The following CALHM4 variants were observed in gnomAD, a reference collection of about 807,000 sequenced individuals.
CALHM4 encodes the protein calcium homeostasis modulator family member 4, also known as calcium homeostasis modulator protein 4.
A neutral mutation model predicts 13.3 loss-of-function variants in CALHM4; 16 were observed. The observed-to-expected ratio is 1.20, with a 90% CI of 0.81 to 1.82. The LOEUF (loss-of-function observed/expected upper bound fraction) is 1.82, where lower values mean the gene tolerates loss of function less well. Among genes scored for constraint, CALHM4 ranks in the 40% most tolerant of loss-of-function variants. The pLI is 0.00. For missense variants in CALHM4, 344 were observed against 374.9 expected (o/e 0.92, Z 0.68); for synonymous variants, 127 against 137.1 (o/e 0.93, Z 0.52).
Position 116,559,039 on chromosome 6 carries a change from A to C in CALHM4, c.*828A>C, listed in dbSNP as rs181197050. 3.9e-5 allele frequency among the ~76,000 whole-genome samples: 6 copies of C among 152,306 alleles called. No homozygotes were observed. The highest frequency in any genetic ancestry group is 1.2e-4 in the African/African-American group (5 of 41,572). ...TTACCAAATTGCACCTTTGCACTCAAAATCCATTTGTGAAACCAAAACTGC... is the reference window on the plus strand; with the variant it reads ...TTACCAAATTGCACCTTTGCACTCACAATCCATTTGTGAAACCAAAACTGC... On this transcript the variant is annotated 3_prime_UTR_variant, in exon 2 of 2. Coordinates refer to ENST00000368596, the MANE Select transcript of CALHM4 (RefSeq NM_001366078.2).
chr6:116,548,845 T>C (rs1773921403), upstream of CALHM4, among the ~76,000 whole-genome samples: 1 of 152,216 alleles, frequency 6.6e-6, no homozygotes, highest in Non-Finnish European at 1.5e-5. Flanking sequence ...TCATGTAATT[T>C]ATTGAATACT....
At chr6:116,533,492 G>A (rs1340854484) in intron 1 of CALHM4, among the ~76,000 whole-genome samples, 1 of 152,212 alleles carries the variant, frequency 6.6e-6, no homozygotes, top group African/African-American at 2.4e-5. Flanking sequence ...GTTGCACTGA[G>A]TGGCCAGAAT....
At chr6:116,534,486 C>G (rs907449476) in intron 1 of CALHM4, among the ~76,000 whole-genome samples, 1 of 152,154 alleles carries the variant, frequency 6.6e-6, no homozygotes, top group Admixed American at 6.5e-5. Context: ...GTATGATTTG[C>G]TGAAATTTTT....
chr6:116,554,457 C>T, intron 1 of CALHM4, 106 bp downstream of exon 1: 1 of 979,318 alleles, frequency 1.0e-6, no homozygotes, highest in South Asian at 1.8e-5. Context: ...GATTATAGAA[C>T]ACAATACTAG....
chr6:116,538,221 TAGAC>T (rs1246952483), intron 1 of CALHM4, among the ~76,000 whole-genome samples: 1 of 152,198 alleles, frequency 6.6e-6, no homozygotes, highest in Non-Finnish European at 1.5e-5. Context: ...GCGCTAATAA[TAGAC>T]AGTAAGAAAA....
intron 1 of CALHM4, among the ~76,000 whole-genome samples, chr6:116,556,448 G>A (rs922300148): frequency 6.6e-6 from 1 of 152,160 alleles, no homozygotes; most frequent in Non-Finnish European, 1.5e-5. Flanking sequence ...TAGGTTAATG[G>A]GCATCTGAGA....
chr6:116,538,891 G>A (rs760753600), intron 1 of CALHM4, among the ~76,000 whole-genome samples: 7 of 151,910 alleles, frequency 4.6e-5, no homozygotes, highest in Admixed American at 1.3e-4. Flanking sequence ...CACCACGCCC[G>A]GCTAATTTTT....
At chr6:116,557,042 G>A (rs1169245646) in intron 1 of CALHM4, among the ~76,000 whole-genome samples, 5 of 146,496 alleles carry the variant, frequency 3.4e-5, no homozygotes, top group African/African-American at 1.3e-4. Flanking sequence ...GGTTCAAGAA[G>A]TTCTCGTGCC....
chr6:116,552,569 A>T (rs1409753421), upstream of CALHM4, among the ~76,000 whole-genome samples: 3 of 152,206 alleles, frequency 2.0e-5, no homozygotes, highest in South Asian at 4.1e-4. Flanking sequence ...TGAATTTCTC[A>T]GTACTACATT....
upstream of CALHM4, among the ~76,000 whole-genome samples, chr6:116,552,419 T>C (rs980204322): frequency 2.0e-5 from 3 of 152,306 alleles, no homozygotes; most frequent in Non-Finnish European, 4.4e-5. Flanking sequence ...TTCTGCAAAG[T>C]TCTCAGTTAT....
intron 2 of CALHM4, among the ~76,000 whole-genome samples, chr6:116,547,113 T>A (rs1773826539): frequency 6.6e-6 from 1 of 152,328 alleles, no homozygotes; most frequent in Non-Finnish European, 1.5e-5. Context: ...TTTTGATGAT[T>A]CCAAGTCAAA....
At chr6:116,540,355 A>T in intron 1 of CALHM4, 4 of 1,550,154 alleles carry the variant, frequency 2.6e-6, no homozygotes, top group Non-Finnish European at 3.5e-6. Context: ...AGATAAAAAC[A>T]TAGTTACCTG....
chr6:116,535,698 C>T (rs187870265), intron 1 of CALHM4, among the ~76,000 whole-genome samples: 79 of 152,276 alleles, frequency 5.2e-4, no homozygotes, highest in Admixed American at 3.1e-3. Context: ...CAACTAAAAT[C>T]AGCTATGGTA....
At position 116,553,927 on chromosome 6, in the gene CALHM4, T is replaced by A. The variant is rs1774191915; in HGVS notation, c.134T>A (p.Val45Asp). Reference sequence around the variant, plus strand: ...TCTACATTCAGCTGTCCTTGTCAGGTTGGAAAAAATTTCTATTATGGTTCT... The same window carrying A: ...TCTACATTCAGCTGTCCTTGTCAGGATGGAAAAAATTTCTATTATGGTTCT... Reference protein sequence around the residue: ...SSSTFSCPCQVGKNFYYGSAF... With the variant: ...SSSTFSCPCQDGKNFYYGSAF... The change falls in exon 1 of 2, where the codon GTT (valine) becomes GAT (aspartate). Residue 45 changes from valine to aspartate, a missense_variant. Transcript: ENST00000368596. The A allele has an allele frequency of 1.9e-6, 3 of 1,550,544 alleles. No individual in the cohort carries two copies. The highest frequency in any genetic ancestry group is 2.0e-5 in the Admixed American group (1 of 50,984).
chr6:116,557,984 T>C lies in CALHM4; in HGVS notation c.718T>C (p.Ser240Pro), dbSNP rs933977378. 6.2e-7 allele frequency: 1 copy of C among 1,614,116 alleles called. No individual in the cohort carries two copies. Among genetic ancestry groups the C allele is most frequent in the African/African-American group, 1.3e-5 (1 of 75,022 alleles). ...ELFEQAAEQH[S>P]RLLMMHRIKK... ...CTTTGAACAAGCAGCAGAGCAGCAC[T>C]CTCGGCTCCTCATGATGCATCGCAT... The change falls in exon 2 of 2, where the codon TCT (serine) becomes CCT (proline). Residue 240 changes from serine to proline, a missense_variant. Ser to Pro is a moderately conservative substitution (Grantham distance 74). Transcript: ENST00000368596.
chr6:116,553,026 A>T (rs1466575242), upstream of CALHM4, among the ~76,000 whole-genome samples: 1 of 152,238 alleles, frequency 6.6e-6, no homozygotes, highest in Non-Finnish European at 1.5e-5. Flanking sequence ...GTGAGCCGAG[A>T]TCGCGCCACT....
At chr6:116,530,807 G>C (rs532217803) in intron 1 of CALHM4, among the ~76,000 whole-genome samples, 9 of 149,986 alleles carry the variant, frequency 6.0e-5, no homozygotes, top group Admixed American at 6.0e-4. Flanking sequence ...CACTAGTTAC[G>C]TGCCCCAAAT....
At chr6:116,548,238 G>A (rs936211907) in intron 2 of CALHM4, among the ~76,000 whole-genome samples, 1 of 152,166 alleles carries the variant, frequency 6.6e-6, no homozygotes, top group Non-Finnish European at 1.5e-5. Context: ...ATAGCAACAA[G>A]GTGCCATCTT....
intron 2 of CALHM4, among the ~76,000 whole-genome samples, chr6:116,545,265 C>T (rs1773711546): frequency 6.6e-6 from 1 of 151,776 alleles, no homozygotes; most frequent in African/African-American, 2.4e-5. Flanking sequence ...GAAAAGAAGA[C>T]CTTAAAGTGT....
Sources: allele counts gnomAD v4.1 joint callset (sites outside exome capture counted in the v4.1 genomes callset), GRCh38; gene constraint gnomAD v4.1.1; transcripts MANE v1.5; gene names NCBI Gene and HGNC (gene_info 2026-07-23, HGNC 2026-07-21).